EMID1: variants seen among roughly 807,000 people sequenced by gnomAD.
The protein encoded by EMID1 is EMI domain containing 1, also known as EMI domain-containing protein 1.
EMID1 carries 40 observed loss-of-function variants against 60.6 expected under a neutral mutation model. The observed-to-expected ratio is 0.66, with a 90% CI of 0.51 to 0.86. EMID1 has a LOEUF of 0.86. Among genes scored for constraint, EMID1 ranks in the 40% least tolerant of loss-of-function variants. EMID1 has a pLI of 0.00. For synonymous variants in EMID1, 242 were observed against 231.0 expected (o/e 1.05, Z -0.43); for missense variants, 585 against 597.1 (o/e 0.98, Z 0.21).
Position 29,233,461 on chromosome 22 carries a change from G to T in EMID1, c.906G>T (p.Gly302=), listed in dbSNP as rs777212975. ...QGPTGPPGPP[G]PMGPPGPPGP... The stretch of plus-strand genomic sequence containing the variant: ...CCACTGGGCCTCCAGGCCCTCCAGG[G>T]CCCATGGGTAAGTTGAGTCCAGGCC... Residue 302 remains glycine, a synonymous_variant, in exon 9 of 15, where the codon GGG becomes GGT. Coordinates refer to ENST00000334018, the MANE Select transcript of EMID1 (RefSeq NM_133455.4). 8.1e-6 allele frequency: 13 copies of T among 1,614,130 alleles called. No individual in the cohort carries two copies. Among genetic ancestry groups the T allele is most frequent in the Non-Finnish European group, 1.1e-5 (13 of 1,179,964 alleles).
intron 3 of EMID1, chr22:29,216,534 A>G: frequency 1.0e-6 from 1 of 985,508 alleles, no homozygotes; most frequent in Non-Finnish European, 1.2e-6. Flanking sequence ...ATGAACGTGA[A>G]CATCAGTCTC....
intron 14 of EMID1, among the ~76,000 whole-genome samples, chr22:29,255,841 C>T (rs932090650): frequency 1.3e-5 from 2 of 152,210 alleles, no homozygotes; most frequent in East Asian, 1.9e-4. Context: ...GGCAGAGAAA[C>T]AGCATAAGCG....
chr22:29,235,993 T>C (rs1000000982), intron 12 of EMID1, among the ~76,000 whole-genome samples: 4 of 152,166 alleles, frequency 2.6e-5, no homozygotes, highest in Non-Finnish European at 5.9e-5. Context: ...TTTGTGGTTA[T>C]ATTTAAAGTC....
intron 7 of EMID1, 144 bp from the exon 8 acceptor site, chr22:29,232,112 T>G: frequency 1.2e-6 from 1 of 856,154 alleles, no homozygotes. Context: ...CATCCCCCTG[T>G]TAGACTACCA....
At chr22:29,208,120 G>A (rs1171077982) in intron 1 of EMID1, among the ~76,000 whole-genome samples, 1 of 152,170 alleles carries the variant, frequency 6.6e-6, no homozygotes, top group Non-Finnish European at 1.5e-5. Flanking sequence ...CCTGGAGCTT[G>A]AGGAGTCTGT....
At chr22:29,207,667 G>A (rs1229954166) in intron 1 of EMID1, among the ~76,000 whole-genome samples, 1 of 152,198 alleles carries the variant, frequency 6.6e-6, no homozygotes, top group African/African-American at 2.4e-5. Context: ...ACTGGGGACT[G>A]TCACTCCATG....
intron 2 of EMID1, 29 bp downstream of exon 2, chr22:29,215,068 C>A: frequency 6.6e-7 from 1 of 1,508,288 alleles, no homozygotes; most frequent in Non-Finnish European, 8.9e-7. Flanking sequence ...GAACTGATGG[C>A]ATTCCAGGTG....
chr22:29,243,163 AT>A (rs2041212648), intron 12 of EMID1, among the ~76,000 whole-genome samples: 2 of 152,068 alleles, frequency 1.3e-5, no homozygotes, highest in African/African-American at 4.8e-5. Context: ...TGCCAGGCTG[AT>A]GGGGCTGAGG....
At chr22:29,253,527 A>G (rs533745218) in intron 13 of EMID1, among the ~76,000 whole-genome samples, 44 of 152,178 alleles carry the variant, frequency 2.9e-4, no homozygotes, top group Admixed American at 1.2e-3. Context: ...GGTTGCGGTG[A>G]GCTGAGATCG....
intron 1 of EMID1, among the ~76,000 whole-genome samples, chr22:29,208,155 GC>G (rs2039745752): frequency 6.6e-6 from 1 of 152,140 alleles, no homozygotes; most frequent in Non-Finnish European, 1.5e-5. Flanking sequence ...TCCACTTGTG[GC>G]CCCATCCCCA....
Position 29,225,187 on chromosome 22 carries a change from G to A in EMID1, c.374G>A (p.Arg125Gln), listed in dbSNP as rs754293900. ...ATGTGGTCGGGCAGTACCATGCGGC[G>A]GATGGCGCTTCGGCCCACAGCCTTC... ...EPMWSGSTMR[R>Q]MALRPTAFSG... is the part of the protein sequence containing the mutation. The change falls in exon 4 of 15, where the codon CGG becomes CAG. Residue 125 changes from arginine to glutamine, a missense_variant. Coordinates refer to ENST00000334018, the MANE Select transcript of EMID1 (RefSeq NM_133455.4). 1.5e-5 allele frequency: 25 copies of A among 1,613,788 alleles called. No individual in the cohort carries two copies. Among genetic ancestry groups the A allele is most frequent in the African/African-American group, 8.0e-5 (6 of 74,924 alleles).
At chr22:29,257,689 C>T (rs909316625) in intron 14 of EMID1, among the ~76,000 whole-genome samples, 3 of 152,218 alleles carry the variant, frequency 2.0e-5, no homozygotes, top group Non-Finnish European at 4.4e-5. Flanking sequence ...CAGCATTTCC[C>T]GTGAAAACCA....
At chr22:29,206,230 G>A in intron 1 of EMID1, 91 bp downstream of exon 1, 1 of 1,010,468 alleles carries the variant, frequency 9.9e-7, no homozygotes, top group East Asian at 3.5e-5. Flanking sequence ...ATTGGAGGGC[G>A]ATCCAGTCCC....
intron 5 of EMID1, among the ~76,000 whole-genome samples, chr22:29,229,643 CAAA>C (rs34973149): frequency 3.1e-5 from 4 of 127,004 alleles, no homozygotes; most frequent in Non-Finnish European, 3.3e-5. Flanking sequence ...AACTCCACCT[CAAA>C]AAAAAAAAAA....
At position 29,215,328 on chromosome 22, in the gene EMID1, T is replaced by C. The variant is rs1195301805; in HGVS notation, c.216-199T>C. On this transcript the variant is annotated intron_variant, in intron 2 of 14. Transcript: ENST00000334018. The stretch of plus-strand genomic sequence containing the variant: ...CTGCAGGGTCTTCTTGTCCAGCTGG[T>C]ATCCAATCTCCAATCCCTGTGGCAA... The C allele has an allele frequency of 1.6e-5, 15 of 949,748 alleles. No individual in the cohort carries two copies. The Admixed American group carries it at 8.0e-4, about 51-fold the overall frequency. 58.8% of individuals were successfully genotyped at this position (949,748 alleles called of 1,614,324 possible). A position where few individuals can be genotyped will look rare whatever the true frequency, so the allele number is the denominator to read the frequency against.
chr22:29,234,343 G>A lies in EMID1; in HGVS notation c.1068G>A (p.Gly356=), dbSNP rs1439307573. The change falls in exon 12 of 15, where the codon GGG becomes GGA. Residue 356 remains glycine (G), a synonymous_variant. Coordinates refer to ENST00000334018, the MANE Select transcript of EMID1 (RefSeq NM_133455.4). ...RGEPGPQGSA[G]QRGEPGPKGD... Reference sequence around the variant, plus strand: ...AGCCTGGCCCCCAAGGCTCTGCTGGGCAGCGGGTAAGTGTTGCTGTCTGTC... The same window carrying A: ...AGCCTGGCCCCCAAGGCTCTGCTGGACAGCGGGTAAGTGTTGCTGTCTGTC... The A allele has an allele frequency of 6.2e-7, 1 of 1,613,720 alleles. No individual in the cohort carries two copies. Among genetic ancestry groups the A allele is most frequent in the Non-Finnish European group, 8.5e-7 (1 of 1,179,978 alleles).
rs1439396918 is a variant in EMID1, at chr22:29,236,925, T to C, written c.1074+2576T>C. On this transcript the variant is annotated intron_variant, in intron 12 of 14. Transcript: ENST00000334018. The stretch of plus-strand genomic sequence containing the variant: ...AATTCTCCTGCCTCAGCCTCCCAAG[T>C]AGCTGGGACTACAGGCGCCCACCAC... Among the ~76,000 whole-genome samples, 4 of 151,308 alleles carry C rather than the reference T, an allele frequency of 2.6e-5. No individual in the cohort carries two copies. The East Asian group carries it at 8.0e-4, about 30-fold the overall frequency.
At chr22:29,257,184 G>A (rs761401991) in intron 14 of EMID1, among the ~76,000 whole-genome samples, 4 of 152,186 alleles carry the variant, frequency 2.6e-5, no homozygotes, top group Non-Finnish European at 5.9e-5. Context: ...GCCAGCTTGG[G>A]TCGGGGCTTG....
intron 12 of EMID1, among the ~76,000 whole-genome samples, chr22:29,240,966 C>G (rs2041133036): frequency 6.6e-6 from 1 of 152,208 alleles, no homozygotes; most frequent in Admixed American, 6.5e-5. Context: ...TTGTTCAGAA[C>G]AGAATGCTTG....
Sources: gnomAD v4.1 joint callset for allele counts (sites outside exome capture counted in the v4.1 genomes callset) on GRCh38, gnomAD v4.1.1 for gene constraint, MANE v1.5 for transcripts, NCBI Gene and HGNC (gene_info 2026-07-23, HGNC 2026-07-21) for gene names.